The following KCNMB2 variants were observed in gnomAD, a reference collection of about 807,000 sequenced individuals.
KCNMB2 encodes the protein calcium-activated potassium channel subunit beta-2.
KCNMB2 carries 9 observed loss-of-function variants against 24.5 expected under a neutral mutation model. The observed-to-expected ratio is 0.37, with a 90% CI of 0.22 to 0.64. The LOEUF is 0.64. Among genes scored for constraint, KCNMB2 ranks in the 30% least tolerant of loss-of-function variants. The pLI, the probability that KCNMB2 is intolerant of heterozygous loss-of-function variation, is 0.63. For missense variants in KCNMB2, 226 were observed against 284.3 expected (o/e 0.79, Z 1.47); for synonymous variants, 109 against 104.4 (o/e 1.04, Z -0.27).
chr3:178,670,218 T>C (rs1577085468), intron 1 of KCNMB2, among the ~76,000 whole-genome samples: 1 of 152,090 alleles, frequency 6.6e-6, no homozygotes, highest in Non-Finnish European at 1.5e-5. Flanking sequence ...CCCTCCTTCA[T>C]AGCAATCCTC....
intron 1 of KCNMB2, among the ~76,000 whole-genome samples, chr3:178,666,182 G>A (rs1429009861): frequency 5.3e-5 from 8 of 152,058 alleles, no homozygotes; most frequent in Non-Finnish European, 8.8e-5. Context: ...ACACCAGCAT[G>A]GTTCACTGAG....
rs1358210717 is a variant in KCNMB2, at chr3:178,559,554, T to C, written c.-68+22843T>C. ...ATTGTTTTAGGCAACAAGTGTCTAG[T>C]CTTCACTGGTATTAATTATCCAAAT... On this transcript the variant is annotated intron_variant, in intron 1 of 4. Coordinates refer to ENST00000452583, the MANE Select transcript of KCNMB2 (RefSeq NM_181361.3). Among the ~76,000 whole-genome samples, 3 of 151,698 alleles carry C rather than the reference T, an allele frequency of 2.0e-5. No homozygotes were observed. The East Asian group carries it at 5.8e-4, about 29-fold the overall frequency.
At chr3:178,585,337 T>C (rs1419967781) in intron 1 of KCNMB2, among the ~76,000 whole-genome samples, 1 of 152,204 alleles carries the variant, frequency 6.6e-6, no homozygotes, top group Non-Finnish European at 1.5e-5. Context: ...GGTCATTTCT[T>C]TTGTGTTCCT....
intron 1 of KCNMB2, among the ~76,000 whole-genome samples, chr3:178,696,381 C>A (rs1294275460): frequency 1.3e-5 from 2 of 152,156 alleles, no homozygotes; most frequent in Non-Finnish European, 1.5e-5. Flanking sequence ...AGATTGTGTG[C>A]ATAGAGGTGT....
intron 1 of KCNMB2, among the ~76,000 whole-genome samples, chr3:178,743,121 A>G (rs1252578882): frequency 6.6e-6 from 1 of 152,184 alleles, no homozygotes; most frequent in Non-Finnish European, 1.5e-5. Context: ...GCAGTGTAGC[A>G]GAGTGTGCAG....
intron 1 of KCNMB2, among the ~76,000 whole-genome samples, chr3:178,586,538 CT>C (rs10677144): frequency 4.0e-3 from 271 of 68,474 alleles, no homozygotes; most frequent in African/African-American, 0.012. Flanking sequence ...TTTTTTCTTT[CT>C]TTTTTTTTTT....
intron 1 of KCNMB2, among the ~76,000 whole-genome samples, chr3:178,699,281 G>A (rs998334924): frequency 7.2e-5 from 11 of 152,216 alleles, no homozygotes; most frequent in Admixed American, 1.3e-4. Context: ...GGTGAGGGTG[G>A]GGCTTGCTGG....
At chr3:178,672,078 T>C (rs1720918624) in intron 1 of KCNMB2, among the ~76,000 whole-genome samples, 1 of 152,172 alleles carries the variant, frequency 6.6e-6, no homozygotes, top group Non-Finnish European at 1.5e-5. Context: ...AACACCCTTT[T>C]TCTCTGAAGG....
chr3:178,673,456 A>G (rs1261385262), intron 1 of KCNMB2, among the ~76,000 whole-genome samples: 1 of 152,016 alleles, frequency 6.6e-6, no homozygotes, highest in Non-Finnish European at 1.5e-5. Flanking sequence ...TTACTGAAAA[A>G]AAATAGAAGC....
At chr3:178,787,429 A>T (rs1276393946) in intron 1 of KCNMB2, among the ~76,000 whole-genome samples, 1 of 152,184 alleles carries the variant, frequency 6.6e-6, no homozygotes, top group Non-Finnish European at 1.5e-5. Context: ...ATCACAAAGT[A>T]TATCACATAA....
rs1387150635 is a variant in KCNMB2, at chr3:178,757,350, ATATATATATATATATATATATAT to A, written c.-67-49992_-67-49970del. ...TATATATGTATATATATCCAAGAGG[ATATATATATATATATATATATAT>A]CCAAGAGGATATATATATATGTATA... On this transcript the variant is annotated intron_variant, in intron 1 of 4. Transcript: ENST00000452583. 4.3e-3 allele frequency among the ~76,000 whole-genome samples: 77 copies of A among 18,022 alleles called. 18 individuals are homozygous for A. Among genetic ancestry groups the A allele is most frequent in the Admixed American group, 0.02 (25 of 1,276 alleles). 11.8% of individuals were successfully genotyped at this position (18,022 alleles called of 152,430 possible). A position where few individuals can be genotyped will look rare whatever the true frequency, so the allele number is the denominator to read the frequency against.
intron 2 of KCNMB2, among the ~76,000 whole-genome samples, chr3:178,813,861 T>A (rs1714291970): frequency 6.6e-6 from 1 of 152,216 alleles, no homozygotes; most frequent in African/African-American, 2.4e-5. Flanking sequence ...TATGTGTGCA[T>A]GAATTGACCA....
chr3:178,689,509 G>A (rs572145498), intron 1 of KCNMB2, among the ~76,000 whole-genome samples: 7 of 152,158 alleles, frequency 4.6e-5, no homozygotes, highest in East Asian at 3.9e-4. Context: ...GGTGGTGGGC[G>A]CCTGTAGACC....
rs111950916 is a variant in KCNMB2 at position 178,622,350 on chromosome 3, A to G, written c.-68+85639A>G. On this transcript the variant is annotated intron_variant, in intron 1 of 4. Transcript: ENST00000452583. ...AGATCTTACTGCCTAACACCACCAC[A>G]TGCATAGAGCACATTAAAATGTATG... is the stretch of plus-strand genomic sequence containing the variant. Among the ~76,000 whole-genome samples the G allele has an allele frequency of 1.2e-3, 180 of 152,352 alleles. 1 individual carries two copies. Among genetic ancestry groups the G allele is most frequent in the African/African-American group, 3.9e-3 (162 of 41,580 alleles).
intron 1 of KCNMB2, among the ~76,000 whole-genome samples, chr3:178,779,081 G>C (rs1712716462): frequency 6.6e-6 from 1 of 152,110 alleles, no homozygotes; most frequent in African/African-American, 2.4e-5. Flanking sequence ...ACTGTACCAA[G>C]GACCAACTCC....
intron 1 of KCNMB2, among the ~76,000 whole-genome samples, chr3:178,765,867 C>T (rs1269343120): frequency 1.3e-5 from 2 of 152,254 alleles, no homozygotes; most frequent in African/African-American, 4.8e-5. Context: ...TAATTAAATG[C>T]CTTTGCTCTT....
At chr3:178,807,281 T>C (rs1714007850) in intron 1 of KCNMB2, 62 bp from the exon 2 acceptor site, 1 of 653,536 alleles carries the variant, frequency 1.5e-6, no homozygotes, top group Non-Finnish European at 2.7e-6. Context: ...CCTGTTGTTA[T>C]GTAAGAGTCA....
chr3:178,599,779 G>GC (rs1166791245), intron 1 of KCNMB2, among the ~76,000 whole-genome samples: 1 of 152,048 alleles, frequency 6.6e-6, no homozygotes, highest in Non-Finnish European at 1.5e-5. Context: ...TCCTCTGCCA[G>GC]CCCCTGGGAA....
chr3:178,798,793 G>T (rs866033368), intron 1 of KCNMB2, among the ~76,000 whole-genome samples: 2 of 151,938 alleles, frequency 1.3e-5, no homozygotes, highest in South Asian at 2.1e-4. Flanking sequence ...ATTACTAGGT[G>T]ATGGGTTGAT....
Sources: gnomAD v4.1 joint callset for allele counts (sites outside exome capture counted in the v4.1 genomes callset) on GRCh38, gnomAD v4.1.1 for gene constraint, MANE v1.5 for transcripts, NCBI Gene and HGNC (gene_info 2026-07-23, HGNC 2026-07-21) for gene names.